Variants in CACNA1I observed in about 807,000 individuals in gnomAD.
The protein encoded by CACNA1I is calcium voltage-gated channel subunit alpha1 I, also known as voltage-dependent T-type calcium channel subunit alpha-1I.
Under a neutral mutation model 201.6 loss-of-function variants are expected in CACNA1I, and 74 were observed. The observed-to-expected ratio is 0.37, with a 90% CI of 0.30 to 0.45. The LOEUF is 0.45. Among genes scored for constraint, CACNA1I ranks in the 20% least tolerant of loss-of-function variants. The probability of loss-of-function intolerance (pLI) is 1.00; values close to 1 mark genes in which losing one functional copy is unlikely to be tolerated. For synonymous variants in CACNA1I, 1,431 were observed against 1,345.2 expected, an observed-to-expected ratio of 1.06 and a Z score of -1.40; for missense variants, 2,346 against 3,138.1, an observed-to-expected ratio of 0.75 and a Z score of 6.03.
rs765361707 is a variant in CACNA1I, at chr22:39,684,262, G to C, written c.5831-40G>C. Reference sequence around the variant, plus strand: ...CCTTCCAGGGGCTGCCCCCTGGCCTGAGCGTGCTCCCTCAGCTCTGTCTTC... The same window carrying C: ...CCTTCCAGGGGCTGCCCCCTGGCCTCAGCGTGCTCCCTCAGCTCTGTCTTC... On this transcript the variant is annotated intron_variant, in intron 35 of 36. Transcript: ENST00000402142. The surrounding 1 kb of genome is among the most constrained non-coding windows in gnomAD (Gnocchi z 4.6). The C allele has an allele frequency of 2.2e-5, 35 of 1,594,498 alleles. No individual in the cohort carries two copies. The highest frequency in any genetic ancestry group is 2.7e-5 in the Non-Finnish European group (32 of 1,166,050).
intron 26 of CACNA1I, among the ~76,000 whole-genome samples, chr22:39,671,284 T>G (rs1935369689): frequency 6.6e-6 from 1 of 152,178 alleles, no homozygotes; most frequent in African/African-American, 2.4e-5. Flanking sequence ...AACTCTTTAA[T>G]CCTCGCAGCA....
intron 3 of CACNA1I, among the ~76,000 whole-genome samples, chr22:39,618,251 CTGTG>C (rs61378962): frequency 6.6e-4 from 78 of 118,830 alleles, no homozygotes; most frequent in Middle Eastern, 4.2e-3. Context: ...GGTTGTGTGC[CTGTG>C]TGTGTGTGTG....
At chr22:39,603,997 A>G (rs1933139559) in intron 3 of CACNA1I, among the ~76,000 whole-genome samples, 1 of 152,224 alleles carries the variant, frequency 6.6e-6, no homozygotes, top group African/African-American at 2.4e-5. Flanking sequence ...AAACAAAGGT[A>G]TTTTCTCCCT....
In CACNA1I at chr22:39,578,904, G is replaced by A. The variant is rs563849332; in HGVS notation, c.236+7916G>A. Among the ~76,000 whole-genome samples, 5 of 152,162 alleles carry A rather than the reference G, an allele frequency of 3.3e-5. No homozygotes were observed. The East Asian group carries it at 9.7e-4, about 29-fold the overall frequency. On this transcript the variant is annotated intron_variant, in intron 1 of 36. Transcript: ENST00000402142. ...CCCTCCTCTGCCTTTGCTCCTGCTG[G>A]GCACCACCTGTGATGCCCTTCCCCA...
intron 8 of CACNA1I, among the ~76,000 whole-genome samples, chr22:39,647,573 G>A (rs769214050): frequency 5.3e-5 from 8 of 152,228 alleles, no homozygotes; most frequent in Admixed American, 2.0e-4. Flanking sequence ...CACCATGCCC[G>A]GCTAATTTTT....
At chr22:39,644,157 G>A (rs1934416997) in intron 7 of CACNA1I, among the ~76,000 whole-genome samples, 1 of 152,196 alleles carries the variant, frequency 6.6e-6, no homozygotes, top group Admixed American at 6.5e-5. Context: ...CAGAGCCCCT[G>A]AAGCTGGCCA....
chr22:39,586,963 C>T (rs1331545590), intron 1 of CACNA1I, among the ~76,000 whole-genome samples: 1 of 152,172 alleles, frequency 6.6e-6, no homozygotes, highest in African/African-American at 2.4e-5. Context: ...GCTGGATCAG[C>T]CCACAGACAG....
intron 6 of CACNA1I, among the ~76,000 whole-genome samples, 167 bp downstream of exon 6, chr22:39,641,349 G>A (rs566498553): frequency 4.6e-5 from 7 of 152,358 alleles, no homozygotes; most frequent in Middle Eastern, 3.4e-3. Flanking sequence ...AGAACCCAAG[G>A]TTCAAAGAAA....
At chr22:39,624,464 A>G (rs1464064084) in intron 4 of CACNA1I, among the ~76,000 whole-genome samples, 1 of 152,104 alleles carries the variant, frequency 6.6e-6, no homozygotes, top group African/African-American at 2.4e-5. Context: ...ACCGCTGGGC[A>G]GTTGGGGGAG....
At position 39,610,436 on chromosome 22, in the gene CACNA1I, T is replaced by C. The variant is rs191828391; in HGVS notation, c.483-8874T>C. Among the ~76,000 whole-genome samples, 17 of 152,078 alleles carry C rather than the reference T, an allele frequency of 1.1e-4. No individual in the cohort carries two copies. In the East Asian group the frequency reaches 2.9e-3, roughly 26 times the overall value. ...TTAGTGTGTTTTTCTCATTTGCATA[T>C]GGGATGGGATGGGAGAGAGGGTGAT... On this transcript the variant is annotated intron_variant, in intron 3 of 36. Transcript: ENST00000402142.
intron 14 of CACNA1I, 150 bp from the exon 15 acceptor site, chr22:39,660,194 G>A (rs1934960062): frequency 4.8e-6 from 3 of 630,520 alleles, no homozygotes; most frequent in Non-Finnish European, 2.8e-6. Context: ...TGTGACCTAG[G>A]TTCTTGTTAG....
intron 2 of CACNA1I, among the ~76,000 whole-genome samples, chr22:39,599,048 A>C (rs1230913785): frequency 7.3e-6 from 1 of 137,818 alleles, no homozygotes; most frequent in Non-Finnish European, 1.5e-5. Context: ...TCCCGGGTTC[A>C]TGCCATTCTC....
rs1413603190 is a variant in CACNA1I at position 39,659,693 on chromosome 22, A to G, written c.2449-4A>G. 1.4e-5 allele frequency: 23 copies of G among 1,613,658 alleles called. No homozygotes were observed. Among genetic ancestry groups the G allele is most frequent in the African/African-American group, 4.0e-5 (3 of 74,882 alleles). ...CCCCAGGGCTAACTGTGTCTCCCCAACAGATCCTCACCCAGGAGGACTGGA... is the reference window on the plus strand; with the variant it reads ...CCCCAGGGCTAACTGTGTCTCCCCAGCAGATCCTCACCCAGGAGGACTGGA... On this transcript the variant is annotated splice_region_variant and splice_polypyrimidine_tract_variant and intron_variant, in intron 13 of 36. Coordinates refer to ENST00000402142, the MANE Select transcript of CACNA1I (RefSeq NM_021096.4). This position sits in a 1 kb window ranked among gnomAD's most constrained non-coding sequence, Gnocchi z 4.3.
rs1461500306 is a variant in CACNA1I at position 39,659,482 on chromosome 22, A to C, written c.2380A>C (p.Thr794Pro). The change falls in exon 13 of 37, where the codon ACT becomes CCT. Residue 794 changes from threonine (T) to proline (P), a missense_variant. Physicochemically the swap from Thr to Pro is conservative, Grantham distance 38 (BLOSUM62 -1). Transcript: ENST00000402142. The surrounding 1 kb of genome is among the most constrained non-coding windows in gnomAD (Gnocchi z 4.3). ...CTGCAAGTTCAGCCTCCGCACGGACACTGGAGACACGGTGCCCGACAGGAA... is the reference window on the plus strand; with the variant it reads ...CTGCAAGTTCAGCCTCCGCACGGACCCTGGAGACACGGTGCCCGACAGGAA... ...FGCKFSLRTD[T>P]GDTVPDRKNF... 1 of 1,582,680 alleles carries C rather than the reference A, an allele frequency of 6.3e-7. No individual in the cohort carries two copies. The highest frequency in any genetic ancestry group is 1.8e-5 in the Admixed American group (1 of 54,880).
chr22:39,627,617 T>TG (rs1933936730), intron 4 of CACNA1I, among the ~76,000 whole-genome samples: 1 of 152,190 alleles, frequency 6.6e-6, no homozygotes, highest in Non-Finnish European at 1.5e-5. Context: ...GGAAGGGCCT[T>TG]GGGGGGCATT....
At chr22:39,660,199 T>C (rs947379108) in intron 14 of CACNA1I, 145 bp from the exon 15 acceptor site, 5 of 634,326 alleles carry the variant, frequency 7.9e-6, no homozygotes, top group Non-Finnish European at 1.1e-5. Context: ...CCTAGGTTCT[T>C]GTTAGCATCT....
intron 23 of CACNA1I, among the ~76,000 whole-genome samples, chr22:39,667,249 T>C (rs932233261): frequency 6.6e-6 from 1 of 152,234 alleles, no homozygotes; most frequent in African/African-American, 2.4e-5. Flanking sequence ...TCCCTGCTCC[T>C]GGGTCTGAAC....
intron 5 of CACNA1I, 26 bp downstream of exon 5, chr22:39,634,750 CAGCTCCGGGGACTCTTACTA>C (rs770883647): frequency 1.2e-6 from 2 of 1,605,414 alleles, no homozygotes; most frequent in Non-Finnish European, 1.7e-6. Context: ...GCCACCCATG[CAGCTCCGGGGACTCTTACTA>C]AGACACAGTT....
chr22:39,571,327 G>A (rs1415932944), intron 1 of CACNA1I, among the ~76,000 whole-genome samples: 1 of 152,168 alleles, frequency 6.6e-6, no homozygotes, highest in Non-Finnish European at 1.5e-5. Flanking sequence ...CACCTGATGG[G>A]CCGTGACCAT....
Sources: allele counts gnomAD v4.1 joint callset (sites outside exome capture counted in the v4.1 genomes callset), GRCh38; gene constraint gnomAD v4.1.1; non-coding constraint Gnocchi (gnomAD v3.1); transcripts MANE v1.5; gene names NCBI Gene and HGNC (gene_info 2026-07-23, HGNC 2026-07-21).